The following SLC41A3 variants were observed in gnomAD, a reference collection of about 807,000 sequenced individuals.
SLC41A3 encodes solute carrier family 41 member 3, also known as SLC41A1-like 2.
SLC41A3 carries 44 observed loss-of-function variants against 45.4 expected under a neutral mutation model. The ratio of observed to expected loss-of-function variants is 0.97; its 90% confidence interval spans 0.76 to 1.25. The LOEUF is 1.25. Among genes scored for constraint, SLC41A3 ranks in the 50% most tolerant of loss-of-function variants. The pLI, the probability that SLC41A3 is intolerant of heterozygous loss-of-function variation, is 0.00. For missense variants in SLC41A3, 550 were observed against 600.6 expected (o/e 0.92, Z 0.88); for synonymous variants, 256 against 252.4 (o/e 1.01, Z -0.13).
upstream of SLC41A3, among the ~76,000 whole-genome samples, chr3:126,086,510 GTGTGTGTGTGTGTGTGT>G (rs1945397538): frequency 1.4e-4 from 3 of 21,414 alleles, no homozygotes; most frequent in Non-Finnish European, 2.8e-4. Flanking sequence ...GTGTGTGTGT[GTGTGTGTGTGTGTGTGT>G]GTGTGTGTGT....
rs372191829 is a variant in SLC41A3 at position 126,006,416 on chromosome 3, G to C, written c.*600C>G. The C allele has an allele frequency of 1.9e-6, 3 of 1,608,190 alleles. No homozygotes were observed. In the African/African-American group the frequency reaches 4.1e-5, roughly 22 times the overall value. ...CTCTGATTATTGAAATCTAAATAGA[G>C]GTTTTTGCTAACAAACAAAAAGGAA... On this transcript the variant is annotated 3_prime_UTR_variant, in exon 11 of 11. Transcript: ENST00000360370.
chr3:126,100,082 C>T (rs905534357), intron 1 of SLC41A3, among the ~76,000 whole-genome samples: 1 of 152,128 alleles, frequency 6.6e-6, no homozygotes, highest in African/African-American at 2.4e-5. Flanking sequence ...CCACAAAGAA[C>T]AGGGAACAAA....
intron 3 of SLC41A3, among the ~76,000 whole-genome samples, chr3:126,034,518 G>A (rs116550739): frequency 6.6e-6 from 1 of 152,328 alleles, no homozygotes; most frequent in Non-Finnish European, 1.5e-5. Flanking sequence ...TCTTCAGCAC[G>A]ACTGACATCT....
chr3:126,015,872 A>G (rs1180331537), intron 7 of SLC41A3, among the ~76,000 whole-genome samples: 2 of 152,200 alleles, frequency 1.3e-5, no homozygotes, highest in Non-Finnish European at 2.9e-5. Context: ...GGGCTGTCCC[A>G]AGACTCCGGC....
chr3:126,090,464 A>G (rs1945469236), intron 1 of SLC41A3, among the ~76,000 whole-genome samples: 1 of 152,202 alleles, frequency 6.6e-6, no homozygotes, highest in African/African-American at 2.4e-5. Flanking sequence ...TTTGTTTTTT[A>G]AAGTGTAGAT....
At chr3:126,032,173 C>T (rs1324278219) in intron 4 of SLC41A3, among the ~76,000 whole-genome samples, 4 of 152,108 alleles carry the variant, frequency 2.6e-5, no homozygotes, top group East Asian at 1.9e-4. Context: ...TAAGACAGCG[C>T]GGCCAGGCCC....
chr3:126,040,089 C>T (rs11919548), intron 3 of SLC41A3, among the ~76,000 whole-genome samples: 44,641 of 152,046 alleles, frequency 0.29, 6,751 homozygotes, highest in African/African-American at 0.35. Flanking sequence ...TGCCCAAGAG[C>T]GGGTGGGGCA....
chr3:126,056,521 C>T lies in SLC41A3; in HGVS notation c.274-5471G>A, dbSNP rs143830604. ...GCCTCGCAGCTTCTTGCCCTGAAAG[C>T]AAAACTCCAGATTCAGCTGGGTGAC... On this transcript the variant is annotated intron_variant, in intron 2 of 10. Coordinates refer to ENST00000360370, the MANE Select transcript of SLC41A3 (RefSeq NM_017836.4). 1.9e-6 allele frequency: 3 copies of T among 1,613,944 alleles called. No individual in the cohort carries two copies. In the East Asian group the frequency reaches 6.7e-5, roughly 36 times the overall value.
At chr3:126,016,992 G>GACA in intron 6 of SLC41A3, 117 bp from the exon 7 acceptor site, 3 of 1,282,130 alleles carry the variant, frequency 2.3e-6, no homozygotes, top group African/African-American at 1.6e-5. Context: ...ATCAGTTGAG[G>GACA]GGGAACTGCC....
At chr3:126,099,803 C>T (rs769413291) in intron 1 of SLC41A3, among the ~76,000 whole-genome samples, 1 of 152,188 alleles carries the variant, frequency 6.6e-6, no homozygotes, top group Non-Finnish European at 1.5e-5. Flanking sequence ...AACTTTATAA[C>T]TGCGTTATAA....
At chr3:126,066,888 C>A (rs1047801061) in intron 2 of SLC41A3, among the ~76,000 whole-genome samples, 2 of 152,150 alleles carry the variant, frequency 1.3e-5, no homozygotes, top group Admixed American at 6.5e-5. Flanking sequence ...GGAGGGCAAC[C>A]AAATTAATTA....
intron 4 of SLC41A3, among the ~76,000 whole-genome samples, chr3:126,033,165 G>A (rs974844007): frequency 3.3e-5 from 5 of 152,186 alleles, no homozygotes; most frequent in African/African-American, 1.2e-4. Flanking sequence ...CAGGAGCAGA[G>A]CCAAGGGAGG....
Position 126,022,739 on chromosome 3 carries a change from C to T in SLC41A3, c.745+47G>A, listed in dbSNP as rs150208807. The T allele has an allele frequency of 2.6e-4, 417 of 1,609,022 alleles. 1 individual carries two copies. The African/African-American group carries it at 5.1e-3, about 20-fold the overall frequency. On this transcript the variant is annotated intron_variant, in intron 6 of 10. Transcript: ENST00000360370. ...CCTCAGTGGTGACCTGCTCCAGGGC[C>T]CCCCCTCCACGGAGCCTTTGTGTCT...
intron 7 of SLC41A3, 105 bp from the exon 8 acceptor site, chr3:126,015,678 C>T: frequency 1.8e-6 from 2 of 1,099,218 alleles, no homozygotes; most frequent in East Asian, 2.4e-5. Flanking sequence ...CCATCCTTGG[C>T]TGTCACTCTC....
chr3:126,053,297 C>A (rs1022213463), intron 2 of SLC41A3, among the ~76,000 whole-genome samples: 1 of 152,150 alleles, frequency 6.6e-6, no homozygotes, highest in Non-Finnish European at 1.5e-5. Flanking sequence ...AGAGGGGAGA[C>A]CATGTGAAGA....
chr3:126,098,925 C>CTTTTT (rs57262035), intron 1 of SLC41A3, among the ~76,000 whole-genome samples: 15 of 109,634 alleles, frequency 1.4e-4, no homozygotes, highest in African/African-American at 3.2e-4. Flanking sequence ...CATGACCTGG[C>CTTTTT]TTTTTTTTTT....
chr3:126,037,263 G>A (rs1942266646), intron 3 of SLC41A3, among the ~76,000 whole-genome samples: 1 of 152,144 alleles, frequency 6.6e-6, no homozygotes, highest in South Asian at 2.1e-4. Flanking sequence ...GCTTCCTGAG[G>A]CCTCCCCAGA....
chr3:126,036,315 C>T (rs1054256887), intron 3 of SLC41A3, among the ~76,000 whole-genome samples: 1 of 152,234 alleles, frequency 6.6e-6, no homozygotes, highest in Non-Finnish European at 1.5e-5. Context: ...ACAAGCTCAA[C>T]ACACCCCCCT....
intron 3 of SLC41A3, among the ~76,000 whole-genome samples, chr3:126,043,829 C>CA (rs370988840): frequency 0.015 from 351 of 23,700 alleles, no homozygotes; most frequent in African/African-American, 0.025. Context: ...AACAAAAAAA[C>CA]AAAAAAAAAA....
Sources: allele counts gnomAD v4.1 joint callset (sites outside exome capture counted in the v4.1 genomes callset), GRCh38; gene constraint gnomAD v4.1.1; transcripts MANE v1.5; gene names NCBI Gene and HGNC (gene_info 2026-07-23, HGNC 2026-07-21).